Variants in PARD3 observed in about 807,000 individuals in gnomAD.
PARD3 encodes the protein par-3 family cell polarity regulator, also known as partitioning defective 3 homolog.
In PARD3, 75 loss-of-function variants were observed where a neutral mutation model predicts 155.4. That is an observed-to-expected ratio of 0.48 (90% CI 0.40 to 0.58). The LOEUF (loss-of-function observed/expected upper bound fraction) is 0.58, where lower values mean the gene tolerates loss of function less well. PARD3 is among the 20% of genes least tolerant of loss of function. The probability of loss-of-function intolerance (pLI) is 0.00; values close to 1 mark genes in which losing one functional copy is unlikely to be tolerated. For synonymous variants in PARD3, 576 were observed against 610.5 expected (o/e 0.94, Z 0.83); for missense variants, 1,642 against 1,721.7 (o/e 0.95, Z 0.82).
At chr10:34,269,967 T>C in intron 21 of PARD3, 68 bp from the exon 22 acceptor site, 2 of 1,417,344 alleles carry the variant, frequency 1.4e-6, no homozygotes, top group Non-Finnish European at 9.8e-7. Context: ...TATAGAAACA[T>C]TCATCAAAAT....
At chr10:34,741,573 T>G (rs11599163) in intron 1 of PARD3, among the ~76,000 whole-genome samples, 1 of 152,044 alleles carries the variant, frequency 6.6e-6, no homozygotes, top group Non-Finnish European at 1.5e-5. Flanking sequence ...CACCAATCCA[T>G]GCAGAAGCGA....
intron 2 of PARD3, among the ~76,000 whole-genome samples, chr10:34,616,576 T>C (rs1033644824): frequency 6.6e-6 from 1 of 152,178 alleles, no homozygotes; most frequent in Non-Finnish European, 1.5e-5. Context: ...GAGGACGTTA[T>C]GTGAAGTGAA....
At position 34,331,348 on chromosome 10, in the gene PARD3, G is replaced by A; in HGVS notation, c.2606-4C>T. On this transcript the variant is annotated splice_region_variant and splice_polypyrimidine_tract_variant and intron_variant, in intron 18 of 24. Coordinates refer to ENST00000374788, the MANE Select transcript of PARD3 (RefSeq NM_001184785.2). ...CCCACATCTCTGCTGGGAGAACCTG[G>A]GAGGTTTACAAGAAAAAAAATGTTA... The A allele has an allele frequency of 1.2e-6, 2 of 1,604,090 alleles. No individual in the cohort carries two copies. Among genetic ancestry groups the A allele is most frequent in the Non-Finnish European group, 1.7e-6 (2 of 1,171,588 alleles).
At chr10:34,157,652 T>C (rs1949072621) in intron 22 of PARD3, among the ~76,000 whole-genome samples, 4 of 152,342 alleles carry the variant, frequency 2.6e-5, no homozygotes, top group African/African-American at 7.2e-5. Flanking sequence ...TTGTGTGTGA[T>C]TCTTCTACCA....
At chr10:34,685,809 G>T (rs763637396) in intron 2 of PARD3, among the ~76,000 whole-genome samples, 3 of 152,088 alleles carry the variant, frequency 2.0e-5, no homozygotes, top group Non-Finnish European at 4.4e-5. Flanking sequence ...GGCCAGGCTG[G>T]TCTTGACCTC....
intron 2 of PARD3, among the ~76,000 whole-genome samples, chr10:34,637,248 T>C (rs998107914): frequency 6.6e-6 from 1 of 152,202 alleles, no homozygotes; most frequent in Non-Finnish European, 1.5e-5. Flanking sequence ...TATTTTCCAT[T>C]CTTTTCAAAA....
chr10:34,659,576 A>G lies in PARD3; in HGVS notation c.222+36742T>C, dbSNP rs143881859. ...CATGTAAATGAAGACATAATAGCAT[A>G]CATGAATAAAGGTGTATGAATTCTT... On this transcript the variant is annotated intron_variant, in intron 2 of 24. Transcript: ENST00000374788. Among the ~76,000 whole-genome samples the G allele has an allele frequency of 7.9e-4, 121 of 152,354 alleles. 1 individual carries two copies. In the East Asian group the frequency reaches 0.017, roughly 22 times the overall value.
chr10:34,257,290 T>G (rs1309891613), intron 22 of PARD3, among the ~76,000 whole-genome samples: 1 of 152,248 alleles, frequency 6.6e-6, no homozygotes, highest in Admixed American at 6.5e-5. Context: ...TTGATTGATA[T>G]TCCATCCTTA....
chr10:34,265,397 A>C (rs1241236690), intron 22 of PARD3, among the ~76,000 whole-genome samples: 2 of 152,304 alleles, frequency 1.3e-5, no homozygotes, highest in Non-Finnish European at 2.9e-5. Flanking sequence ...CATATTTCTG[A>C]CTATAAGATC....
chr10:34,271,487 T>C (rs1955608869), intron 21 of PARD3, among the ~76,000 whole-genome samples: 1 of 152,130 alleles, frequency 6.6e-6, no homozygotes, highest in African/African-American at 2.4e-5. Flanking sequence ...AGAAGAAGCA[T>C]TTGATAAAAT....
chr10:34,712,813 G>A (rs1479951546), intron 1 of PARD3, among the ~76,000 whole-genome samples: 1 of 151,854 alleles, frequency 6.6e-6, no homozygotes, highest in Non-Finnish European at 1.5e-5. Flanking sequence ...AAGGTATTGG[G>A]TACTATGCTC....
At chr10:34,712,167 A>G (rs923674006) in intron 1 of PARD3, among the ~76,000 whole-genome samples, 1 of 152,208 alleles carries the variant, frequency 6.6e-6, no homozygotes, top group Non-Finnish European at 1.5e-5. Flanking sequence ...GATGGATCTA[A>G]GAGTGTGGAA....
chr10:34,143,782 T>C (rs868191195), intron 22 of PARD3, among the ~76,000 whole-genome samples: 26 of 152,194 alleles, frequency 1.7e-4, no homozygotes, highest in African/African-American at 4.3e-4. Context: ...AGAATAAAAG[T>C]AGTGAAACAT....
At chr10:34,368,800 G>A (rs1028192860) in intron 12 of PARD3, among the ~76,000 whole-genome samples, 7 of 140,552 alleles carry the variant, frequency 5.0e-5, no homozygotes, top group Non-Finnish European at 9.0e-5. Context: ...TACTAAACGC[G>A]TGTTCTAGGA....
intron 5 of PARD3, among the ~76,000 whole-genome samples, chr10:34,444,774 G>T (rs2076650546): frequency 6.6e-6 from 1 of 152,168 alleles, no homozygotes; most frequent in Non-Finnish European, 1.5e-5. Flanking sequence ...ACCACCCAAA[G>T]AATAAGACAC....
intron 2 of PARD3, among the ~76,000 whole-genome samples, chr10:34,629,715 G>T (rs1473328350): frequency 6.6e-6 from 1 of 152,146 alleles, no homozygotes; most frequent in Non-Finnish European, 1.5e-5. Context: ...ACTTCATCTG[G>T]TTGTCATAAC....
intron 3 of PARD3, among the ~76,000 whole-genome samples, chr10:34,500,991 G>T (rs765069254): frequency 3.3e-5 from 5 of 152,190 alleles, no homozygotes; most frequent in African/African-American, 4.8e-5. Context: ...TTGTGCAAAA[G>T]AGTTAAAAAT....
At chr10:34,267,600 C>T (rs1955387131) in intron 22 of PARD3, among the ~76,000 whole-genome samples, 1 of 152,156 alleles carries the variant, frequency 6.6e-6, no homozygotes, top group Non-Finnish European at 1.5e-5. Context: ...AATACTTCTT[C>T]CTGGGTTTGC....
At chr10:34,569,238 C>T (rs1305585196) in intron 2 of PARD3, among the ~76,000 whole-genome samples, 1 of 152,006 alleles carries the variant, frequency 6.6e-6, no homozygotes, top group South Asian at 2.1e-4. Flanking sequence ...AATCATTCAA[C>T]AGAATAATGA....
Sources: gnomAD v4.1 joint callset for allele counts (sites outside exome capture counted in the v4.1 genomes callset) on GRCh38, gnomAD v4.1.1 for gene constraint, MANE v1.5 for transcripts, NCBI Gene and HGNC (gene_info 2026-07-23, HGNC 2026-07-21) for gene names.